Variants in KCTD8 observed in about 807,000 individuals in gnomAD.
KCTD8 encodes the protein BTB/POZ domain-containing protein KCTD8.
Under a neutral mutation model 31.5 loss-of-function variants are expected in KCTD8, and 27 were observed. The ratio of observed to expected loss-of-function variants is 0.86; its 90% CI spans 0.63 to 1.18. KCTD8 has a LOEUF of 1.18. Ranked by LOEUF, KCTD8 falls within the 50% of genes most tolerant of loss-of-function variation. KCTD8 has a pLI of 0.00. For synonymous variants in KCTD8, 290 were observed against 280.0 expected (o/e 1.04, Z -0.36); for missense variants, 658 against 647.7 (o/e 1.02, Z -0.17).
In KCTD8 at chr4:44,174,765, A is replaced by G. The variant is rs1219493113; in HGVS notation, c.*25T>C. The G allele has an allele frequency of 6.5e-7, 1 of 1,540,126 alleles. No individual in the cohort carries two copies. Among genetic ancestry groups the G allele is most frequent in the East Asian group, 2.2e-5 (1 of 44,462 alleles). ...CTGTAGTAAACATTGAATGTCATCA[A>G]AATACTGCAGGAATGTGACAATTAC... On this transcript the variant is annotated 3_prime_UTR_variant, in exon 2 of 2. Coordinates refer to ENST00000360029, the MANE Select transcript of KCTD8 (RefSeq NM_198353.3).
chr4:44,269,307 T>C (rs1277902155), intron 1 of KCTD8, among the ~76,000 whole-genome samples: 1 of 152,116 alleles, frequency 6.6e-6, no homozygotes, highest in Non-Finnish European at 1.5e-5. Flanking sequence ...TCCTATTTAA[T>C]AAATGGTGCT....
intron 1 of KCTD8, among the ~76,000 whole-genome samples, chr4:44,297,466 T>G (rs1717469152): frequency 6.6e-6 from 1 of 152,098 alleles, no homozygotes; most frequent in African/African-American, 2.4e-5. Flanking sequence ...TGGTAACCTA[T>G]TAATAAAATA....
intron 1 of KCTD8, among the ~76,000 whole-genome samples, chr4:44,419,212 G>A (rs1046220598): frequency 2.0e-5 from 3 of 152,112 alleles, no homozygotes; most frequent in Admixed American, 2.0e-4. Context: ...GTAAAGGTGG[G>A]TGCATTCAAA....
chr4:44,412,171 T>A (rs1300147597), intron 1 of KCTD8, among the ~76,000 whole-genome samples: 4 of 152,160 alleles, frequency 2.6e-5, no homozygotes, highest in Admixed American at 6.6e-5. Flanking sequence ...CTTGTTTACA[T>A]TAAAAAACCA....
intron 1 of KCTD8, among the ~76,000 whole-genome samples, chr4:44,316,197 C>CAA (rs1356004231): frequency 2.0e-4 from 31 of 152,060 alleles, no homozygotes; most frequent in Non-Finnish European, 3.4e-4. Context: ...ATTTGTTCTG[C>CAA]TATATATCTT....
chr4:44,404,627 G>A (rs1720741721), intron 1 of KCTD8, among the ~76,000 whole-genome samples: 1 of 152,184 alleles, frequency 6.6e-6, no homozygotes, highest in Non-Finnish European at 1.5e-5. Flanking sequence ...TTCAGAAAGG[G>A]AAGTAAGGTG....
chr4:44,175,232 A>G lies in KCTD8; in HGVS notation c.980T>C (p.Val327Ala). The G allele has an allele frequency of 1.3e-6, 2 of 1,563,270 alleles. No homozygotes were observed. The highest frequency in any genetic ancestry group is 1.7e-6 in the Non-Finnish European group (2 of 1,155,366). ...ATCTTCATGTTCTTGTTTAGGTGAT[A>G]CTATTTTCTGAGGTGGTCCTAAAAA... ...YIFFRPPQKI[V>A]SPKQEHEDRK... Residue 327 changes from valine (V) to alanine (A), a missense_variant, in exon 2 of 2, where the codon GTA (valine) becomes GCA (alanine). By Grantham distance (64) the Val-to-Ala change is moderately conservative (BLOSUM62 0). Coordinates refer to ENST00000360029, the MANE Select transcript of KCTD8 (RefSeq NM_198353.3).
rs921271918 is a variant in KCTD8, at chr4:44,406,965, T to G, written c.961+40598A>C. ...ATATAAATCTTGAATGCTAAATGCA[T>G]ATAGATCACTAATTTTTCTTTCTAA... On this transcript the variant is annotated intron_variant, in intron 1 of 1. Coordinates refer to ENST00000360029, the MANE Select transcript of KCTD8 (RefSeq NM_198353.3). 1.4e-4 allele frequency among the ~76,000 whole-genome samples: 22 copies of G among 152,216 alleles called. 1 individual carries two copies. The highest frequency in any genetic ancestry group is 1.4e-3 in the Admixed American group (22 of 15,280).
chr4:44,311,568 T>C (rs1312520584), intron 1 of KCTD8, among the ~76,000 whole-genome samples: 1 of 151,986 alleles, frequency 6.6e-6, no homozygotes, highest in African/African-American at 2.4e-5. Context: ...TCACCCTCCT[T>C]GCCAATCAGA....
intron 1 of KCTD8, among the ~76,000 whole-genome samples, chr4:44,220,627 T>C (rs1310392959): frequency 6.6e-6 from 1 of 152,202 alleles, no homozygotes; most frequent in Admixed American, 6.5e-5. Context: ...CACATTACGT[T>C]CTTTGGGGCT....
At chr4:44,391,582 T>C (rs1720374868) in intron 1 of KCTD8, among the ~76,000 whole-genome samples, 1 of 151,388 alleles carries the variant, frequency 6.6e-6, no homozygotes, top group Non-Finnish European at 1.5e-5. Flanking sequence ...ATTATAAGGA[T>C]ATAACATATA....
Position 44,387,361 on chromosome 4 carries a change from G to GA in KCTD8, c.961+60201dup, listed in dbSNP as rs546146851. The stretch of plus-strand genomic sequence containing the variant: ...TACCACTGCCATTCTTACAGAACTA[G>GA]AAAAAAAATGTTAAAATTCATATTG... On this transcript the variant is annotated intron_variant, in intron 1 of 1. Transcript: ENST00000360029. Among the ~76,000 whole-genome samples the GA allele has an allele frequency of 1.8e-3, 269 of 151,300 alleles. 1 individual carries two copies. The highest frequency in any genetic ancestry group is 3.5e-3 in the African/African-American group (145 of 41,356).
chr4:44,266,394 C>A (rs562294456), intron 1 of KCTD8, among the ~76,000 whole-genome samples: 2 of 152,248 alleles, frequency 1.3e-5, no homozygotes, highest in Non-Finnish European at 2.9e-5. Flanking sequence ...CTGAAGGAAG[C>A]AGTAAACATG....
At chr4:44,192,662 G>A (rs983190567) in intron 1 of KCTD8, among the ~76,000 whole-genome samples, 5 of 152,288 alleles carry the variant, frequency 3.3e-5, no homozygotes, top group Non-Finnish European at 1.5e-5. Context: ...TAATACGAAT[G>A]CCAACTTGAT....
intron 1 of KCTD8, among the ~76,000 whole-genome samples, chr4:44,181,681 G>C (rs1375632848): frequency 6.6e-6 from 1 of 152,184 alleles, no homozygotes; most frequent in African/African-American, 2.4e-5. Context: ...CGTCTGGGAA[G>C]TGAGGACCCT....
At chr4:44,297,530 CA>C (rs138368003) in intron 1 of KCTD8, among the ~76,000 whole-genome samples, 18,208 of 151,944 alleles carry the variant, frequency 0.12, 1,297 homozygotes, top group East Asian at 0.25. Flanking sequence ...ATTTTTAAGG[CA>C]AACACTACCA....
Position 44,175,008 on chromosome 4 carries a change from G to A in KCTD8, c.1204C>T (p.Pro402Ser), listed in dbSNP as rs1378248703. ...CTGTTTCTGCGTTTGTCTGGTGGGG[G>A]TATCCATTGTACAGGTGCTTTTTTA... The part of the protein sequence containing the change: ...PSKKAPVQWI[P>S]PPDKRRNSEL... The change falls in exon 2 of 2, where the codon CCC becomes TCC. Residue 402 changes from proline to serine, a missense_variant. Transcript: ENST00000360029. 3.1e-6 allele frequency: 5 copies of A among 1,613,946 alleles called. No homozygotes were observed. The African/African-American group carries it at 4.0e-5, about 13-fold the overall frequency.
At chr4:44,388,666 A>C (rs1454492906) in intron 1 of KCTD8, among the ~76,000 whole-genome samples, 2 of 151,796 alleles carry the variant, frequency 1.3e-5, no homozygotes, top group African/African-American at 4.8e-5. Flanking sequence ...AAACACATGC[A>C]CACATAGAGG....
chr4:44,347,595 G>A (rs927074180), intron 1 of KCTD8, among the ~76,000 whole-genome samples: 5 of 152,066 alleles, frequency 3.3e-5, no homozygotes, highest in Non-Finnish European at 7.4e-5. Context: ...AACATCTTTA[G>A]TTGACAAGAA....
Sources: allele counts gnomAD v4.1 joint callset (sites outside exome capture counted in the v4.1 genomes callset), GRCh38; gene constraint gnomAD v4.1.1; transcripts MANE v1.5; gene names NCBI Gene and HGNC (gene_info 2026-07-23, HGNC 2026-07-21).